Variants in WWOX observed in about 807,000 individuals in gnomAD.
WWOX encodes WW domain containing oxidoreductase.
WWOX carries 69 observed loss-of-function variants against 46.2 expected under a neutral mutation model. The observed-to-expected ratio is 1.49, with a 90% CI of 1.23 to 1.82. WWOX has a LOEUF of 1.82. Ranked by LOEUF, WWOX falls within the 40% of genes most tolerant of loss-of-function variation. The pLI is 0.00. For missense variants in WWOX, 919 were observed against 542.6 expected (o/e 1.69, Z -6.89); for synonymous variants, 359 against 202.6 (o/e 1.77, Z -6.56).
At chr16:78,816,350 C>G (rs912859535) in intron 8 of WWOX, among the ~76,000 whole-genome samples, 8 of 152,060 alleles carry the variant, frequency 5.3e-5, no homozygotes, top group East Asian at 1.9e-4. Context: ...CAGATGTAAC[C>G]TCATTGATAG....
chr16:79,184,131 C>G (rs762324808), intron 8 of WWOX, among the ~76,000 whole-genome samples: 4 of 152,188 alleles, frequency 2.6e-5, no homozygotes, highest in Non-Finnish European at 5.9e-5. Flanking sequence ...GAAAAATCTT[C>G]TGAATGGATT....
chr16:78,385,727 G>A (rs1183079192), intron 5 of WWOX, among the ~76,000 whole-genome samples: 1 of 152,142 alleles, frequency 6.6e-6, no homozygotes, highest in South Asian at 2.1e-4. Flanking sequence ...CAGGTATCAT[G>A]TTATCCTCCT....
intron 8 of WWOX, among the ~76,000 whole-genome samples, chr16:78,537,365 A>T (rs1186155160): frequency 1.3e-5 from 2 of 152,228 alleles, no homozygotes; most frequent in African/African-American, 4.8e-5. Context: ...AGGGTTAGGA[A>T]GATGTAACTT....
intron 8 of WWOX, among the ~76,000 whole-genome samples, chr16:78,715,678 T>A (rs1320747020): frequency 6.6e-6 from 1 of 152,204 alleles, no homozygotes; most frequent in Non-Finnish European, 1.5e-5. Flanking sequence ...GATTTCACTA[T>A]GTTGGCCAGG....
chr16:78,812,538 A>G (rs1467481265), intron 8 of WWOX, among the ~76,000 whole-genome samples: 1 of 152,004 alleles, frequency 6.6e-6, no homozygotes, highest in Non-Finnish European at 1.5e-5. Flanking sequence ...CCTGGCCAAC[A>G]TGGCGAAACT....
At chr16:79,156,302 A>G (rs914345176) in intron 8 of WWOX, among the ~76,000 whole-genome samples, 3 of 152,146 alleles carry the variant, frequency 2.0e-5, no homozygotes, top group Admixed American at 2.0e-4. Context: ...GCTAAGACCC[A>G]GGTGCGCACC....
chr16:78,173,184 G>T (rs2035219002), intron 5 of WWOX, among the ~76,000 whole-genome samples: 1 of 152,226 alleles, frequency 6.6e-6, no homozygotes, highest in South Asian at 2.1e-4. Context: ...ACGCAACCCA[G>T]TGGAATAGAG....
rs147867624 is a variant in WWOX, at chr16:79,189,938, G to A, written c.1057-21670G>A. 4.6e-5 allele frequency among the ~76,000 whole-genome samples: 7 copies of A among 150,658 alleles called. No individual in the cohort carries two copies. In the South Asian group the frequency reaches 1.1e-3, roughly 23 times the overall value. On this transcript the variant is annotated intron_variant, in intron 8 of 8. Transcript: ENST00000566780. ...ACAGCTGGTATGGGGTGGGGAAGGG[G>A]GGGGGGATAAAGATATTAATTTGGA...
In WWOX at chr16:78,347,419, G is replaced by A. The variant is rs535049033; in HGVS notation, c.517-39441G>A. Among the ~76,000 whole-genome samples the A allele has an allele frequency of 4.2e-4, 49 of 117,520 alleles. 13 individuals carry two copies. Among genetic ancestry groups the A allele is most frequent in the Non-Finnish European group, 8.5e-4 (42 of 49,620 alleles). The allele number at this position is 117,520 out of a possible 152,430, so 77.1% of individuals were successfully genotyped here. ...GTCCCAGGTTATTCGCACCTCATATGTCTTTGGCACAGCACTCTTGACAGC... is the reference window on the plus strand; with the variant it reads ...GTCCCAGGTTATTCGCACCTCATATATCTTTGGCACAGCACTCTTGACAGC... On this transcript the variant is annotated intron_variant, in intron 5 of 8. Coordinates refer to ENST00000566780, the MANE Select transcript of WWOX (RefSeq NM_016373.4).
chr16:78,947,380 C>A (rs79781201), intron 8 of WWOX, among the ~76,000 whole-genome samples: 178 of 145,062 alleles, frequency 1.2e-3, no homozygotes, highest in East Asian at 2.1e-3. Context: ...CTCTTCCCCC[C>A]CTTAGCTGTA....
At chr16:78,744,604 G>T (rs926919973) in intron 8 of WWOX, among the ~76,000 whole-genome samples, 1 of 151,588 alleles carries the variant, frequency 6.6e-6, no homozygotes, top group Non-Finnish European at 1.5e-5. Flanking sequence ...GCTAATTTTT[G>T]TATTTTTAGT....
Position 78,774,496 on chromosome 16 carries a change from TTGTGTGTGTG to T in WWOX, c.1056+341771_1056+341780del, listed in dbSNP as rs58003207. Among the ~76,000 whole-genome samples, 659 of 149,516 alleles carry T rather than the reference TTGTGTGTGTG, an allele frequency of 4.4e-3. 1 individual carries two copies. The highest frequency in any genetic ancestry group is 7.3e-3 in the African/African-American group (297 of 40,430). ...CGGGCAGTTTCTTGACAGACCCATT[TTGTGTGTGTG>T]TGTGTGTGTGTGTGTGTGTGTGTGT... On this transcript the variant is annotated intron_variant, in intron 8 of 8. Transcript: ENST00000566780.
chr16:78,834,249 A>G (rs1567592723), intron 8 of WWOX, among the ~76,000 whole-genome samples: 1 of 152,178 alleles, frequency 6.6e-6, no homozygotes, highest in Non-Finnish European at 1.5e-5. Flanking sequence ...AAACATGGAG[A>G]GGCCCAAAAG....
intron 8 of WWOX, among the ~76,000 whole-genome samples, chr16:78,847,779 A>G (rs984357327): frequency 1.3e-5 from 2 of 152,154 alleles, no homozygotes; most frequent in Non-Finnish European, 2.9e-5. Flanking sequence ...GTTTAAAAAA[A>G]AAAAGAAGAA....
chr16:78,478,160 A>G (rs2084397337), intron 8 of WWOX, among the ~76,000 whole-genome samples: 2 of 152,348 alleles, frequency 1.3e-5, no homozygotes, highest in South Asian at 4.1e-4. Flanking sequence ...TTTAAAGTGT[A>G]ATCAATTTTG....
chr16:78,863,627 G>A (rs1391017416), intron 8 of WWOX, among the ~76,000 whole-genome samples: 1 of 152,136 alleles, frequency 6.6e-6, no homozygotes, highest in Non-Finnish European at 1.5e-5. Flanking sequence ...AGGCAGGCAC[G>A]AAGTCTCTTA....
intron 8 of WWOX, among the ~76,000 whole-genome samples, chr16:79,184,998 C>A (rs1053310578): frequency 1.3e-5 from 2 of 152,192 alleles, no homozygotes; most frequent in Non-Finnish European, 2.9e-5. Context: ...AACATTTATG[C>A]TGTTTATAAA....
At chr16:78,608,515 C>T (rs941551762) in intron 8 of WWOX, among the ~76,000 whole-genome samples, 1 of 152,144 alleles carries the variant, frequency 6.6e-6, no homozygotes, top group Admixed American at 6.5e-5. Flanking sequence ...CGGAGTTCTC[C>T]CTGCTGTTGG....
At chr16:78,472,714 C>T (rs1314364953) in intron 8 of WWOX, among the ~76,000 whole-genome samples, 1 of 143,940 alleles carries the variant, frequency 6.9e-6, no homozygotes, top group African/African-American at 2.5e-5. Flanking sequence ...GAGGCTGAGG[C>T]AGGAGAATCG....
Sources: allele counts gnomAD v4.1 joint callset (sites outside exome capture counted in the v4.1 genomes callset), GRCh38; gene constraint gnomAD v4.1.1; transcripts MANE v1.5; gene names NCBI Gene and HGNC (gene_info 2026-07-23, HGNC 2026-07-21).